GRHL2: variants seen among roughly 807,000 people sequenced by gnomAD.
GRHL2 encodes grainyhead-like protein 2 homolog.
In GRHL2, 21 loss-of-function variants were observed where a neutral mutation model predicts 83.8. That is an observed-to-expected ratio of 0.25 (90% confidence interval 0.18 to 0.36). The LOEUF (loss-of-function observed/expected upper bound fraction) is 0.36, where lower values mean the gene tolerates loss of function less well. GRHL2 is among the 10% of genes least tolerant of loss of function. GRHL2 has a pLI of 1.00. For synonymous variants in GRHL2, 280 were observed against 278.9 expected (o/e 1.00, Z -0.04); for missense variants, 623 against 781.8 (o/e 0.80, Z 2.42).
intron 1 of GRHL2, among the ~76,000 whole-genome samples, chr8:101,522,750 T>TAC (rs953672989): frequency 7.7e-6 from 1 of 130,384 alleles, no homozygotes; most frequent in African/African-American, 3.2e-5. Context: ...TATATATATA[T>TAC]ACACACACAT....
chr8:101,657,057 G>T (rs1479791818), intron 14 of GRHL2, among the ~76,000 whole-genome samples: 1 of 152,174 alleles, frequency 6.6e-6, no homozygotes, highest in Admixed American at 6.5e-5. Flanking sequence ...GTAGCACCCA[G>T]TTTTTGTCCA....
chr8:101,613,210 A>G (rs1786688765), intron 8 of GRHL2, among the ~76,000 whole-genome samples: 1 of 150,956 alleles, frequency 6.6e-6, no homozygotes, highest in South Asian at 2.1e-4. Flanking sequence ...GAATATGGGG[A>G]ACTACAGTAG....
At chr8:101,620,016 G>A (rs2130370550) in intron 9 of GRHL2, among the ~76,000 whole-genome samples, 2 of 151,716 alleles carry the variant, frequency 1.3e-5, no homozygotes, top group Middle Eastern at 6.9e-3. Flanking sequence ...ATTCCTCAAA[G>A]TTCTAGAGGC....
chr8:101,561,392 A>G (rs1314319392), intron 4 of GRHL2, among the ~76,000 whole-genome samples: 1 of 152,198 alleles, frequency 6.6e-6, no homozygotes, highest in Non-Finnish European at 1.5e-5. Context: ...TCTAGACTAT[A>G]GTGTCATTCC....
chr8:101,507,244 T>TA (rs11393142), intron 1 of GRHL2, among the ~76,000 whole-genome samples: 141,103 of 152,252 alleles, frequency 0.93, 65,578 homozygotes, highest in Non-Finnish European at 0.96. Context: ...TTTCAAGATT[T>TA]AAAAATGTTC....
At chr8:101,578,599 T>C (rs748763926) in intron 7 of GRHL2, among the ~76,000 whole-genome samples, 2 of 152,188 alleles carry the variant, frequency 1.3e-5, no homozygotes, top group South Asian at 2.1e-4. Flanking sequence ...TACCACTGTT[T>C]CCATAAGAAG....
At chr8:101,525,044 G>A (rs1810776788) in intron 1 of GRHL2, among the ~76,000 whole-genome samples, 1 of 152,048 alleles carries the variant, frequency 6.6e-6, no homozygotes, top group Non-Finnish European at 1.5e-5. Flanking sequence ...CCAGGTTCAA[G>A]CGATTCTCCT....
At chr8:101,593,961 C>T (rs1484937223) in intron 7 of GRHL2, among the ~76,000 whole-genome samples, 2 of 149,484 alleles carry the variant, frequency 1.3e-5, no homozygotes, top group South Asian at 2.1e-4. Flanking sequence ...CCCAGCTACT[C>T]GGGAGGCTGA....
At chr8:101,555,590 A>G (rs886740323) in intron 3 of GRHL2, among the ~76,000 whole-genome samples, 6 of 152,076 alleles carry the variant, frequency 3.9e-5, no homozygotes, top group African/African-American at 1.4e-4. Flanking sequence ...GCATCCTCCA[A>G]CTAGCTGGAT....
intron 12 of GRHL2, among the ~76,000 whole-genome samples, chr8:101,643,264 A>G (rs1166231515): frequency 2.0e-5 from 3 of 151,874 alleles, no homozygotes; most frequent in Non-Finnish European, 2.9e-5. Flanking sequence ...AAAAATTTCT[A>G]AAAACCTGCA....
At chr8:101,637,451 A>G (rs1337971207) in intron 12 of GRHL2, among the ~76,000 whole-genome samples, 4 of 152,148 alleles carry the variant, frequency 2.6e-5, no homozygotes, top group Admixed American at 1.3e-4. Flanking sequence ...AGCCTTTTCA[A>G]TCGTAGGTAA....
At chr8:101,623,850 TACAATACACAGTAGG>T (rs1464962641) in intron 9 of GRHL2, among the ~76,000 whole-genome samples, 94 of 136,028 alleles carry the variant, frequency 6.9e-4, no homozygotes, top group Admixed American at 1.1e-3. Context: ...TAGGACAGTT[TACAATACACAGTAGG>T]ACAGTACACA....
At chr8:101,647,980 G>A (rs1260853803) in intron 13 of GRHL2, among the ~76,000 whole-genome samples, 3 of 152,188 alleles carry the variant, frequency 2.0e-5, no homozygotes, top group South Asian at 2.1e-4. Flanking sequence ...TCTGAGTGTC[G>A]CTGGTACCCA....
chr8:101,523,339 T>C (rs1810730883), intron 1 of GRHL2, among the ~76,000 whole-genome samples: 1 of 152,132 alleles, frequency 6.6e-6, no homozygotes, highest in African/African-American at 2.4e-5. Flanking sequence ...ACTGTGACCA[T>C]GCTTTTATGT....
At chr8:101,671,225 G>A (rs1586188069), downstream of GRHL2, among the ~76,000 whole-genome samples, 1 of 152,180 alleles carries the variant, frequency 6.6e-6, no homozygotes, top group African/African-American at 2.4e-5. Context: ...GCGAGGCATT[G>A]CCTCACTCGG....
At chr8:101,588,164 G>C (rs1012359646) in intron 7 of GRHL2, among the ~76,000 whole-genome samples, 4 of 152,136 alleles carry the variant, frequency 2.6e-5, no homozygotes, top group Non-Finnish European at 4.4e-5. Context: ...TGTGCCATAG[G>C]TGCTGTAGTG....
intron 8 of GRHL2, among the ~76,000 whole-genome samples, chr8:101,612,520 G>GATAGATAGATAGATAGATACATAC (rs371662487): frequency 4.6e-4 from 57 of 123,770 alleles, no homozygotes; most frequent in Middle Eastern, 4.7e-3. Context: ...TAGATAGATA[G>GATAGATAGATAGATAGATACATAC]ATACATACAT....
intron 1 of GRHL2, among the ~76,000 whole-genome samples, chr8:101,542,485 G>A (rs1198362264): frequency 6.6e-6 from 1 of 151,700 alleles, no homozygotes; most frequent in Non-Finnish European, 1.5e-5. Context: ...CCTGGGAAGC[G>A]GAGGTTTCAG....
chr8:101,530,606 C>T (rs1189072842), intron 1 of GRHL2, among the ~76,000 whole-genome samples: 1 of 152,144 alleles, frequency 6.6e-6, no homozygotes, highest in African/African-American at 2.4e-5. Context: ...TTGTATTATA[C>T]TAAAGATAAA....
Sources: allele counts gnomAD v4.1 joint callset (sites outside exome capture counted in the v4.1 genomes callset), GRCh38; gene constraint gnomAD v4.1.1; transcripts MANE v1.5; gene names NCBI Gene and HGNC (gene_info 2026-07-23, HGNC 2026-07-21).